The following TUBB1 variants were observed in gnomAD, a reference collection of about 807,000 sequenced individuals.
The protein encoded by TUBB1 is tubulin beta-1 chain.
TUBB1 carries 28 observed loss-of-function variants against 22.6 expected under a neutral mutation model. That is an observed-to-expected ratio of 1.24 (90% CI 0.92 to 1.70). TUBB1 has a LOEUF of 1.70. Among genes scored for constraint, TUBB1 ranks in the 40% most tolerant of loss-of-function variants. The pLI is 0.00. For missense variants in TUBB1, 577 were observed against 605.5 expected, an observed-to-expected ratio of 0.95 and a Z score of 0.49; for synonymous variants, 226 against 238.0, an observed-to-expected ratio of 0.95 and a Z score of 0.46.
At position 59,024,447 on chromosome 20, in the gene TUBB1, C is replaced by T. The variant is rs2091984327; in HGVS notation, c.1020C>T (p.Cys340=). Residue 340 remains cysteine, a synonymous_variant, in exon 4 of 4, where the codon TGC becomes TGT. Transcript: ENST00000217133. The surrounding 1 kb of genome is among the most constrained non-coding windows in gnomAD (Gnocchi z 4.9). ...LLSVQTRNSS[C]FVEWIPNNVK... Reference sequence around the variant, plus strand: ...CCGTGCAGACCAGGAACAGCAGCTGCTTTGTGGAGTGGATTCCCAACAACG... The same window carrying T: ...CCGTGCAGACCAGGAACAGCAGCTGTTTTGTGGAGTGGATTCCCAACAACG... 1.2e-6 allele frequency: 2 copies of T among 1,614,082 alleles called. No homozygotes were observed. The highest frequency in any genetic ancestry group is 8.5e-7 in the Non-Finnish European group (1 of 1,180,054).
In TUBB1 at chr20:59,025,073, G is replaced by T. The variant is rs532651323; in HGVS notation, c.*290G>T. On this transcript the variant is annotated 3_prime_UTR_variant, in exon 4 of 4. Transcript: ENST00000217133. ...GTGCTCCCTTTGTTTCAAAGTGTTT[G>T]CCAGGCATCCAGACTACACGTGTGG... 6 of 444,754 alleles carry T rather than the reference G, an allele frequency of 1.3e-5. No homozygotes were observed. Among genetic ancestry groups the T allele is most frequent in the Non-Finnish European group, 2.5e-5 (6 of 239,452 alleles). 27.6% of individuals were successfully genotyped at this position (444,754 alleles called of 1,614,324 possible).
chr20:59,022,266 C>A (rs73618633), intron 1 of TUBB1, among the ~76,000 whole-genome samples: 3 of 138,942 alleles, frequency 2.2e-5, no homozygotes, highest in African/African-American at 8.1e-5. Context: ...ACCCAGGAGG[C>A]GGAGGTTGCA....
chr20:59,024,985 C>A lies in TUBB1; in HGVS notation c.*202C>A, dbSNP rs1347177268. 1.6e-6 allele frequency: 1 copy of A among 624,652 alleles called. No homozygotes were observed. Among genetic ancestry groups the A allele is most frequent in the Admixed American group, 2.6e-5 (1 of 38,202 alleles). The allele number at this position is 624,652 out of a possible 1,614,324, so 38.7% of individuals were successfully genotyped here. On this transcript the variant is annotated 3_prime_UTR_variant, in exon 4 of 4. Transcript: ENST00000217133. This position sits in a 1 kb window ranked among gnomAD's most constrained non-coding sequence, Gnocchi z 4.9. Reference sequence around the variant, plus strand: ...AGGGTCTTTGCTGACATCTACTAACCTTGAAGAGTTTGATGTTCAGTGCAT... The same window carrying A: ...AGGGTCTTTGCTGACATCTACTAACATTGAAGAGTTTGATGTTCAGTGCAT...
chr20:59,022,026 A>T (rs1034508210), intron 1 of TUBB1, among the ~76,000 whole-genome samples: 6 of 151,420 alleles, frequency 4.0e-5, no homozygotes, highest in Non-Finnish European at 8.8e-5. Flanking sequence ...CAAACAAACA[A>T]ACATAAAAAA....
intron 1 of TUBB1, among the ~76,000 whole-genome samples, chr20:59,022,062 T>C (rs923294117): frequency 6.6e-6 from 1 of 151,678 alleles, no homozygotes; most frequent in Middle Eastern, 3.4e-3. Context: ...AAAGGCCGGG[T>C]GCTGTGGCTC....
chr20:59,018,520 G>A (rs1322951603), upstream of TUBB1, among the ~76,000 whole-genome samples: 1 of 151,852 alleles, frequency 6.6e-6, no homozygotes, highest in Non-Finnish European at 1.5e-5. Context: ...CGATTCTCCT[G>A]CCGCAGTCTC....
At chr20:59,017,174 A>G (rs1263186024), upstream of TUBB1, among the ~76,000 whole-genome samples, 2 of 152,250 alleles carry the variant, frequency 1.3e-5, no homozygotes, top group East Asian at 3.8e-4. Context: ...CCACCCTGCC[A>G]TGATCAAAGT....
At chr20:59,020,770 CT>C (rs1402227207) in intron 1 of TUBB1, among the ~76,000 whole-genome samples, 2 of 151,970 alleles carry the variant, frequency 1.3e-5, no homozygotes, top group African/African-American at 2.4e-5. Context: ...CCTTGCCCCC[CT>C]GCTTAAAAAT....
chr20:59,017,522 G>T (rs899193839), upstream of TUBB1, among the ~76,000 whole-genome samples: 1 of 152,208 alleles, frequency 6.6e-6, no homozygotes, highest in African/African-American at 2.4e-5. Context: ...ACACTCCATC[G>T]TTAGGAACTT....
Position 59,024,401 on chromosome 20 carries a change from A to G in TUBB1, c.974A>G (p.Glu325Gly). ...CIFRGKMSTK[E>G]VDQQLLSVQT... ...TTCCGGGGCAAGATGTCCACCAAGG[A>G]AGTGGACCAGCAACTGCTCTCCGTG... The change falls in exon 4 of 4, where the codon GAA (glutamate) becomes GGA (glycine). Residue 325 changes from glutamate to glycine, a missense_variant. Transcript: ENST00000217133. This position sits in a 1 kb window ranked among gnomAD's most constrained non-coding sequence, Gnocchi z 4.9. The G allele has an allele frequency of 6.2e-7, 1 of 1,614,160 alleles. No homozygotes were observed. Among genetic ancestry groups the G allele is most frequent in the Non-Finnish European group, 8.5e-7 (1 of 1,180,012 alleles).
In TUBB1 at chr20:59,019,589, G is replaced by A. The variant is rs553990951; in HGVS notation, c.57+10G>A. ...CCAGATCGGAGCCAAGGTAAGTAAT[G>A]TCTGGTTACTAATCCTAGCTTTACC... On this transcript the variant is annotated intron_variant, in intron 1 of 3. Coordinates refer to ENST00000217133, the MANE Select transcript of TUBB1 (RefSeq NM_030773.4). 37 of 1,614,112 alleles carry A rather than the reference G, an allele frequency of 2.3e-5. No homozygotes were observed. In the South Asian group the frequency reaches 3.7e-4, roughly 16 times the overall value.
chr20:59,019,556 T>C lies in TUBB1; in HGVS notation c.34T>C (p.Cys12Arg). The change falls in exon 1 of 4, where the codon TGT becomes CGT. Residue 12 changes from cysteine (C) to arginine (R), a missense_variant. Coordinates refer to ENST00000217133, the MANE Select transcript of TUBB1 (RefSeq NM_030773.4). The stretch of plus-strand genomic sequence containing the variant: ...AATTGTCCATATTCAGATTGGCCAG[T>C]GTGGCAACCAGATCGGAGCCAAGGT... ...REIVHIQIGQ[C>R]GNQIGAKFWE... 1 of 1,614,220 alleles carries C rather than the reference T, an allele frequency of 6.2e-7. No homozygotes were observed. Among genetic ancestry groups the C allele is most frequent in the Non-Finnish European group, 8.5e-7 (1 of 1,180,036 alleles).
Position 59,023,898 on chromosome 20 carries a change from G to C in TUBB1, c.471G>C (p.Glu157Asp). The C allele has an allele frequency of 6.2e-7, 1 of 1,614,174 alleles. No homozygotes were observed. The highest frequency in any genetic ancestry group is 8.5e-7 in the Non-Finnish European group (1 of 1,180,024). The change falls in exon 4 of 4, where the codon GAG (glutamate) becomes GAC (aspartate). Residue 157 changes from glutamate (E) to aspartate (D), a missense_variant. By Grantham distance (45) the Glu-to-Asp change is conservative (BLOSUM62 2). Transcript: ENST00000217133. ...CTCTGCTCATGAACAAGATTAGAGA[G>C]GAGTACCCGGACCGGATCATGAATT... is the stretch of plus-strand genomic sequence containing the variant. ...MGTLLMNKIREEYPDRIMNSF... is the reference protein window; with the variant it reads ...MGTLLMNKIRDEYPDRIMNSF...
chr20:59,017,472 T>G (rs1427324357), upstream of TUBB1, among the ~76,000 whole-genome samples: 1 of 152,232 alleles, frequency 6.6e-6, no homozygotes, highest in Non-Finnish European at 1.5e-5. Context: ...GGCTGTGTGT[T>G]TGAGCTCCTT....
At chr20:59,017,996 T>A (rs1233060393), upstream of TUBB1, among the ~76,000 whole-genome samples, 1 of 152,228 alleles carries the variant, frequency 6.6e-6, no homozygotes, top group Admixed American at 6.5e-5. Context: ...AGGTGGTTGC[T>A]CACCGGATGG....
At chr20:59,021,236 A>C (rs1209400141) in intron 1 of TUBB1, among the ~76,000 whole-genome samples, 2 of 152,238 alleles carry the variant, frequency 1.3e-5, no homozygotes, top group African/African-American at 4.8e-5. Context: ...AGGTTTAGAT[A>C]GGGTTTTAGC....
intron 1 of TUBB1, among the ~76,000 whole-genome samples, chr20:59,021,733 G>A (rs1402340169): frequency 6.6e-6 from 1 of 152,190 alleles, no homozygotes; most frequent in Admixed American, 6.5e-5. Context: ...AGTGGCTCAC[G>A]CCTGTGATCC....
In TUBB1 at chr20:59,023,615, A is replaced by G. The variant is rs759544764; in HGVS notation, c.277+15A>G. On this transcript the variant is annotated intron_variant, in intron 3 of 3. Coordinates refer to ENST00000217133, the MANE Select transcript of TUBB1 (RefSeq NM_030773.4). ...TTTTGTCCATGGTATGTTTTTCCAGAAGGTTCCACCAGGAGGAGGGGGGGA... is the reference window on the plus strand; with the variant it reads ...TTTTGTCCATGGTATGTTTTTCCAGGAGGTTCCACCAGGAGGAGGGGGGGA... The G allele has an allele frequency of 2.5e-6, 4 of 1,614,006 alleles. No individual in the cohort carries two copies. In the South Asian group the frequency reaches 4.4e-5, roughly 18 times the overall value.
upstream of TUBB1, chr20:59,019,348 G>A: frequency 1.4e-6 from 1 of 697,960 alleles, no homozygotes; most frequent in African/African-American, 1.7e-5. Context: ...TGAGGGCGGG[G>A]AGCTGGGCCT....
Sources: gnomAD v4.1 joint callset for allele counts (sites outside exome capture counted in the v4.1 genomes callset) on GRCh38, gnomAD v4.1.1 for gene constraint, Gnocchi (gnomAD v3.1) non-coding constraint, MANE v1.5 for transcripts, NCBI Gene and HGNC (gene_info 2026-07-23, HGNC 2026-07-21) for gene names.